Variants in AR observed in about 807,000 individuals in gnomAD.
The protein encoded by AR is androgen receptor.
A neutral mutation model predicts 53.9 loss-of-function variants in AR; 8 were observed. The observed-to-expected ratio is 0.15, with a 90% CI of 0.09 to 0.27. The LOEUF is 0.27. Among genes scored for constraint, AR ranks in the 10% least tolerant of loss-of-function variants. The pLI, the probability that AR is intolerant of heterozygous loss-of-function variation, is 1.00. For missense variants in AR, 639 were observed against 742.5 expected (o/e 0.86, Z 1.62); for synonymous variants, 359 against 316.4 (o/e 1.13, Z -1.43).
chrX:67,697,449 G>T (rs1365273320), intron 3 of AR, among the ~76,000 whole-genome samples: 1 of 111,246 alleles, frequency 9.0e-6, no homozygotes, highest in East Asian at 2.8e-4. Flanking sequence ...AACCTTGTGA[G>T]GTAGATCTGT....
At chrX:67,606,417 T>C (rs1294153665) in intron 1 of AR, among the ~76,000 whole-genome samples, 1 of 112,313 alleles carries the variant, frequency 8.9e-6, no homozygotes, top group Non-Finnish European at 1.9e-5. Flanking sequence ...ATCAAGCTAA[T>C]TTGTATATCT....
At chrX:67,591,529 G>C (rs1922830448) in intron 1 of AR, among the ~76,000 whole-genome samples, 1 of 111,496 alleles carries the variant, frequency 9.0e-6, no homozygotes, top group South Asian at 3.8e-4. Context: ...TTTAAGATGG[G>C]CTTGGGTGGG....
chrX:67,691,639 T>C (rs1474639858), intron 3 of AR, among the ~76,000 whole-genome samples: 1 of 111,854 alleles, frequency 8.9e-6, no homozygotes, highest in Non-Finnish European at 1.9e-5. Context: ...AAAAACTCTA[T>C]CCTATAGGCA....
intron 2 of AR, among the ~76,000 whole-genome samples, chrX:67,664,069 C>T (rs1391745866): frequency 9.0e-6 from 1 of 111,618 alleles, no homozygotes; most frequent in Non-Finnish European, 1.9e-5. Context: ...GTTCGAACTT[C>T]CTCCTTTAGC....
intron 3 of AR, chrX:67,695,322 T>C: frequency 1.3e-6 from 1 of 754,274 alleles, no homozygotes; most frequent in Non-Finnish European, 1.6e-6. Context: ...TAGTAGCTGA[T>C]CCACAGAAGT....
chrX:67,590,404 GTCATGTGACTTAACC>G (rs1922772970), intron 1 of AR, among the ~76,000 whole-genome samples: 1 of 111,664 alleles, frequency 9.0e-6, no homozygotes, highest in Non-Finnish European at 1.9e-5. Context: ...AATGATTTCA[GTCATGTGACTTAACC>G]TCTTTAAACT....
At chrX:67,559,297 G>T (rs1346043920) in intron 1 of AR, among the ~76,000 whole-genome samples, 1 of 111,847 alleles carries the variant, frequency 8.9e-6, no homozygotes, top group African/African-American at 3.3e-5. Flanking sequence ...GTATTGTTCT[G>T]CCCTTCACCT....
intron 1 of AR, among the ~76,000 whole-genome samples, chrX:67,552,519 C>T (rs997632531): frequency 2.7e-5 from 3 of 112,397 alleles, no homozygotes; most frequent in Admixed American, 9.4e-5. Flanking sequence ...ATTCAGTCCA[C>T]ATATTTTGGA....
chrX:67,695,765 A>T (rs7065530), intron 3 of AR: 59,494 of 739,857 alleles, frequency 0.08, 2,913 homozygotes, highest in African/African-American at 0.34. Context: ...ACACACACAC[A>T]CACACACGCT....
chrX:67,664,914 C>T (rs1927180365), intron 2 of AR, among the ~76,000 whole-genome samples: 1 of 112,784 alleles, frequency 8.9e-6, no homozygotes, highest in South Asian at 3.6e-4. Flanking sequence ...ACCCTCTGAG[C>T]CAGGCACAGG....
chrX:67,682,125 A>C (rs900242910), intron 2 of AR, among the ~76,000 whole-genome samples: 2 of 111,573 alleles, frequency 1.8e-5, no homozygotes, highest in Non-Finnish European at 3.8e-5. Flanking sequence ...CATTATATTC[A>C]ATGACCAGGA....
intron 1 of AR, among the ~76,000 whole-genome samples, chrX:67,596,473 T>A (rs1351989705): frequency 8.9e-6 from 1 of 111,884 alleles, no homozygotes; most frequent in Admixed American, 9.5e-5. Context: ...CATTTTAGAT[T>A]ATTTTGACTA....
intron 1 of AR, among the ~76,000 whole-genome samples, chrX:67,597,765 G>A (rs1923151306): frequency 8.9e-6 from 1 of 112,209 alleles, no homozygotes; most frequent in South Asian, 3.7e-4. Context: ...AAAATTCTAG[G>A]TATCCCTTGC....
At chrX:67,627,644 C>A (rs1924760853) in intron 1 of AR, among the ~76,000 whole-genome samples, 1 of 111,699 alleles carries the variant, frequency 9.0e-6, no homozygotes, top group Admixed American at 9.5e-5. Context: ...AATTAGATCC[C>A]ATTTGTCAAT....
At chrX:67,652,658 C>G (rs1055902628) in intron 2 of AR, among the ~76,000 whole-genome samples, 1 of 111,673 alleles carries the variant, frequency 9.0e-6, no homozygotes, top group Non-Finnish European at 1.9e-5. Context: ...AGGTCATTAC[C>G]TTGCAATTCT....
intron 1 of AR, among the ~76,000 whole-genome samples, chrX:67,630,193 T>C (rs1352773083): frequency 2.7e-5 from 3 of 110,907 alleles, no homozygotes; most frequent in Non-Finnish European, 5.7e-5. Flanking sequence ...TGGGTATCCT[T>C]GTTAACTTTC....
chrX:67,655,538 G>A (rs1926547098), intron 2 of AR, among the ~76,000 whole-genome samples: 2 of 111,282 alleles, frequency 1.8e-5, no homozygotes, highest in Non-Finnish European at 3.8e-5. Context: ...AAAGGGATAT[G>A]GAGGTATAGA....
intron 1 of AR, among the ~76,000 whole-genome samples, chrX:67,562,807 G>A (rs1327226027): frequency 9.0e-6 from 1 of 111,521 alleles, no homozygotes; most frequent in African/African-American, 3.3e-5. Flanking sequence ...CCTCAGGACA[G>A]TAACATAACC....
At chrX:67,632,459 G>C (rs768891099) in intron 1 of AR, among the ~76,000 whole-genome samples, 1 of 112,557 alleles carries the variant, frequency 8.9e-6, no homozygotes, top group East Asian at 2.8e-4. Flanking sequence ...CTGACCCCTT[G>C]CGCTTCCCGA....
Sources: gnomAD v4.1 joint callset for allele counts (sites outside exome capture counted in the v4.1 genomes callset) on GRCh38, gnomAD v4.1.1 for gene constraint, MANE v1.5 for transcripts, NCBI Gene and HGNC (gene_info 2026-07-23, HGNC 2026-07-21) for gene names.